PKHD1: variants seen among roughly 807,000 people sequenced by gnomAD.
The protein encoded by PKHD1 is fibrocystin.
A neutral mutation model predicts 412.0 loss-of-function variants in PKHD1; 291 were observed. That is an observed-to-expected ratio of 0.71 (90% CI 0.64 to 0.78). The LOEUF (loss-of-function observed/expected upper bound fraction) is 0.78, where lower values mean the gene tolerates loss of function less well. Among genes scored for constraint, PKHD1 ranks in the 30% least tolerant of loss-of-function variants. The pLI, the probability that PKHD1 is intolerant of heterozygous loss-of-function variation, is 0.00. For missense variants in PKHD1, 4,825 were observed against 4,950.7 expected (o/e 0.97, Z 0.76); for synonymous variants, 1,777 against 1,821.5 (o/e 0.98, Z 0.62).
chr6:51,703,844 C>T (rs2150719560), intron 60 of PKHD1, among the ~76,000 whole-genome samples: 1 of 152,120 alleles, frequency 6.6e-6, no homozygotes, highest in Admixed American at 6.6e-5. Context: ...AGATGGTACA[C>T]ATTTTGTGTT....
rs145699789 is a variant in PKHD1, at chr6:51,638,603, G to A, written c.11506+246C>T. On this transcript the variant is annotated intron_variant, in intron 64 of 66. Coordinates refer to ENST00000371117, the MANE Select transcript of PKHD1 (RefSeq NM_138694.4). ...GAAAAAAACAAGTAGAACACTGAAC[G>A]TAAACGTCAATGTTGAGAAGGAAAT... Among the ~76,000 whole-genome samples, 1,100 of 152,136 alleles carry A rather than the reference G, an allele frequency of 7.2e-3. 15 individuals are homozygous for A. The highest frequency in any genetic ancestry group is 0.025 in the African/African-American group (1,036 of 41,514).
chr6:51,664,241 C>T (rs760900058), intron 60 of PKHD1, among the ~76,000 whole-genome samples: 1 of 152,086 alleles, frequency 6.6e-6, no homozygotes, highest in Non-Finnish European at 1.5e-5. Context: ...ATCCAAAGTT[C>T]CCCATTCCAC....
At chr6:52,027,069 G>A (rs1347526150) in intron 31 of PKHD1, among the ~76,000 whole-genome samples, 1 of 152,142 alleles carries the variant, frequency 6.6e-6, no homozygotes, top group African/African-American at 2.4e-5. Context: ...CTATTTCTGA[G>A]TCTTTCATCT....
intron 35 of PKHD1, among the ~76,000 whole-genome samples, chr6:51,963,163 A>C (rs1218378578): frequency 6.6e-6 from 1 of 152,058 alleles, no homozygotes; most frequent in Non-Finnish European, 1.5e-5. Flanking sequence ...AAACATTTAC[A>C]TCCCTTTTCG....
intron 33 of PKHD1, among the ~76,000 whole-genome samples, chr6:52,019,044 C>T (rs1800983094): frequency 6.6e-6 from 1 of 151,758 alleles, no homozygotes; most frequent in Non-Finnish European, 1.5e-5. Context: ...AGTCATGACC[C>T]ACATATAAAA....
intron 60 of PKHD1, among the ~76,000 whole-genome samples, chr6:51,705,955 C>A (rs1297086637): frequency 6.6e-6 from 1 of 151,982 alleles, no homozygotes; most frequent in Non-Finnish European, 1.5e-5. Flanking sequence ...AATACAAATT[C>A]AATTAAATAA....
At chr6:51,742,865 G>C (rs1007062792) in intron 60 of PKHD1, among the ~76,000 whole-genome samples, 1 of 152,140 alleles carries the variant, frequency 6.6e-6, no homozygotes, top group Non-Finnish European at 1.5e-5. Context: ...ATTTTAGATA[G>C]GGTGGTCAAG....
chr6:52,050,264 TGGGCGAGCC>T lies in PKHD1; in HGVS notation c.2163_2171del (p.Ala722_Pro724del). On this transcript the variant is annotated inframe_deletion, in exon 22 of 67. Transcript: ENST00000371117. ...AGACTGATTCCACCAGATTGCCCCC[TGGGCGAGCC>T]GTTCCAGAATCAGCTTGAGAAACTA... 6.2e-7 allele frequency: 1 copy of T among 1,613,798 alleles called. No individual in the cohort carries two copies. Among genetic ancestry groups the T allele is most frequent in the Non-Finnish European group, 8.5e-7 (1 of 1,179,966 alleles).
At position 51,831,547 on chromosome 6, in the gene PKHD1, A is replaced by G. The variant is rs1257608345; in HGVS notation, c.8174-558T>C. Reference sequence around the variant, plus strand: ...AATGTCTGACATTGAGACTCTTTCTATTCTCTGTTAAATTGTAAATAATGC... The same window carrying G: ...AATGTCTGACATTGAGACTCTTTCTGTTCTCTGTTAAATTGTAAATAATGC... On this transcript the variant is annotated intron_variant, in intron 51 of 66. Coordinates refer to ENST00000371117, the MANE Select transcript of PKHD1 (RefSeq NM_138694.4). Among the ~76,000 whole-genome samples, 3 of 152,162 alleles carry G rather than the reference A, an allele frequency of 2.0e-5. No homozygotes were observed. In the East Asian group the frequency reaches 5.8e-4, roughly 29 times the overall value.
At chr6:51,934,620 A>C (rs933497702) in intron 36 of PKHD1, among the ~76,000 whole-genome samples, 1 of 150,222 alleles carries the variant, frequency 6.7e-6, no homozygotes, top group Non-Finnish European at 1.5e-5. Context: ...TGAGAAGACC[A>C]CTAACTTTAC....
intron 41 of PKHD1, 43 bp downstream of exon 41, chr6:51,906,172 C>A (rs1467551657): frequency 6.4e-7 from 1 of 1,563,186 alleles, no homozygotes; most frequent in African/African-American, 1.4e-5. Context: ...AAAACTGTGT[C>A]CTACACAAGA....
intron 48 of PKHD1, among the ~76,000 whole-genome samples, chr6:51,860,645 A>G (rs926109209): frequency 5.9e-5 from 9 of 152,218 alleles, no homozygotes; most frequent in Non-Finnish European, 4.4e-5. Flanking sequence ...ATGTGCAAGA[A>G]ATCAGGAGGC....
chr6:51,819,316 A>G (rs1212727318), intron 52 of PKHD1, among the ~76,000 whole-genome samples: 3 of 152,212 alleles, frequency 2.0e-5, no homozygotes, highest in Non-Finnish European at 4.4e-5. Context: ...GCTTAGTCCA[A>G]AATTTTTCAA....
In PKHD1 at chr6:51,844,346, G is replaced by A. The variant is rs1254060067; in HGVS notation, c.8107+3429C>T. Among the ~76,000 whole-genome samples, 3 of 152,224 alleles carry A rather than the reference G, an allele frequency of 2.0e-5. No individual in the cohort carries two copies. In the East Asian group the frequency reaches 5.8e-4, roughly 29 times the overall value. ...GCTTTCCAAAAAAACTGCACTCCGTGAAGATGTTTGCTGAGCAAAGGCAAA... is the reference window on the plus strand; with the variant it reads ...GCTTTCCAAAAAAACTGCACTCCGTAAAGATGTTTGCTGAGCAAAGGCAAA... On this transcript the variant is annotated intron_variant, in intron 50 of 66. Coordinates refer to ENST00000371117, the MANE Select transcript of PKHD1 (RefSeq NM_138694.4).
At chr6:51,699,920 A>AGTGTGTATGTGTGTGT (rs57760395) in intron 60 of PKHD1, among the ~76,000 whole-genome samples, 9,225 of 137,772 alleles carry the variant, frequency 0.067, 538 homozygotes, top group East Asian at 0.16. Flanking sequence ...ATATATATGG[A>AGTGTGTATGTGTGTGT]GTGTGTGTGT....
chr6:51,791,397 C>G, intron 52 of PKHD1, 24 bp from the exon 53 acceptor site: 1 of 1,610,706 alleles, frequency 6.2e-7, no homozygotes, highest in African/African-American at 1.3e-5. Flanking sequence ...AGAAATTGCT[C>G]AGATATGTCA....
intron 51 of PKHD1, among the ~76,000 whole-genome samples, chr6:51,832,860 T>C (rs9463725): frequency 0.44 from 67,465 of 151,976 alleles, 16,079 homozygotes; most frequent in Middle Eastern, 0.61. Context: ...AGTATATAGA[T>C]TGTGGTCAAG....
intron 35 of PKHD1, among the ~76,000 whole-genome samples, chr6:51,964,269 A>G (rs562752410): frequency 5.3e-5 from 8 of 152,180 alleles, no homozygotes; most frequent in Non-Finnish European, 1.2e-4. Flanking sequence ...GCAAAGACCT[A>G]TTTGTGAGTG....
chr6:51,887,506 C>T (rs528275008), intron 43 of PKHD1, among the ~76,000 whole-genome samples: 6 of 152,218 alleles, frequency 3.9e-5, no homozygotes, highest in African/African-American at 1.2e-4. Context: ...TGGGAGGTGA[C>T]TGGATCACGG....
Sources: allele counts gnomAD v4.1 joint callset (sites outside exome capture counted in the v4.1 genomes callset), GRCh38; gene constraint gnomAD v4.1.1; transcripts MANE v1.5; gene names NCBI Gene and HGNC (gene_info 2026-07-23, HGNC 2026-07-21).